Variants in CCNE2 observed in about 807,000 individuals in gnomAD.
The protein encoded by CCNE2 is G1/S-specific cyclin-E2.
In CCNE2, 18 loss-of-function variants were observed where a neutral mutation model predicts 56.8. The observed-to-expected ratio is 0.32, with a 90% CI of 0.22 to 0.47. The LOEUF (loss-of-function observed/expected upper bound fraction) is 0.47, where lower values mean the gene tolerates loss of function less well. Among genes scored for constraint, CCNE2 ranks in the 20% least tolerant of loss-of-function variants. The pLI is 1.00. For synonymous variants in CCNE2, 139 were observed against 149.2 expected, an observed-to-expected ratio of 0.93 and a Z score of 0.50; for missense variants, 371 against 467.1, an observed-to-expected ratio of 0.79 and a Z score of 1.90.
At chr8:94,889,001 T>C (rs1043820491) in intron 6 of CCNE2, among the ~76,000 whole-genome samples, 1 of 152,078 alleles carries the variant, frequency 6.6e-6, no homozygotes, top group African/African-American at 2.4e-5. Context: ...ATACAAAATA[T>C]AGCAGGTGTG....
intron 9 of CCNE2, 175 bp downstream of exon 9, chr8:94,884,892 A>G: frequency 3.9e-6 from 2 of 518,502 alleles, no homozygotes; most frequent in Non-Finnish European, 6.7e-6. Flanking sequence ...TTGTTTTTCT[A>G]GAAATATTAA....
intron 6 of CCNE2, among the ~76,000 whole-genome samples, chr8:94,888,352 TAAAC>T (rs1191582874): frequency 1.3e-5 from 2 of 152,232 alleles, no homozygotes; most frequent in South Asian, 2.1e-4. Context: ...ACATTGGTGA[TAAAC>T]AAAATCTTAT....
chr8:94,886,499 G>A (rs1817045934), intron 7 of CCNE2, among the ~76,000 whole-genome samples: 1 of 152,168 alleles, frequency 6.6e-6, no homozygotes, highest in African/African-American at 2.4e-5. Flanking sequence ...CTGAGCCCAG[G>A]AGTTTAAGAC....
At chr8:94,891,056 A>G (rs539775794) in intron 5 of CCNE2, among the ~76,000 whole-genome samples, 1 of 152,338 alleles carries the variant, frequency 6.6e-6, no homozygotes, top group East Asian at 1.9e-4. Context: ...TTTGGAAACA[A>G]TTTCCTTTGC....
At chr8:94,884,128 A>AT (rs1443426386) in intron 9 of CCNE2, among the ~76,000 whole-genome samples, 8 of 152,314 alleles carry the variant, frequency 5.3e-5, no homozygotes, top group Admixed American at 4.6e-4. Context: ...TGGTTATCCA[A>AT]TTTGAGTATT....
rs534876214 is a variant in CCNE2, at chr8:94,882,684, G to A, written c.943+97C>T. On this transcript the variant is annotated intron_variant, in intron 10 of 11. Transcript: ENST00000308108. ...AACAGCTAATTTTTTTTTTGCCAAA[G>A]TTTTAAATGCATGTTTAGCAGAATG... 6 of 840,554 alleles carry A rather than the reference G, an allele frequency of 7.1e-6. No homozygotes were observed. In the South Asian group the frequency reaches 9.8e-5, roughly 14 times the overall value. The allele number at this position is 840,554 out of a possible 1,614,324, so 52.1% of individuals were successfully genotyped here.
intron 6 of CCNE2, among the ~76,000 whole-genome samples, chr8:94,889,166 T>G (rs1817143705): frequency 6.6e-6 from 1 of 151,492 alleles, no homozygotes. Flanking sequence ...AAAAAAAGAA[T>G]GTCGAATTTC....
upstream of CCNE2, chr8:94,895,370 TG>T: frequency 5.9e-6 from 3 of 506,886 alleles, no homozygotes; most frequent in Non-Finnish European, 7.6e-6. Flanking sequence ...GGAGCGGCCG[TG>T]GGGTCCACTC....
rs1817258974 is a variant in CCNE2 at position 94,891,880 on chromosome 8, G to T, written c.317+938C>A. 5 of 1,435,052 alleles carry T rather than the reference G, an allele frequency of 3.5e-6. No individual in the cohort carries two copies. The African/African-American group carries it at 7.0e-5, about 20-fold the overall frequency. 88.9% of individuals were successfully genotyped at this position (1,435,052 alleles called of 1,614,324 possible). A position where few individuals can be genotyped will look rare whatever the true frequency, so the allele number is the denominator to read the frequency against. On this transcript the variant is annotated intron_variant, in intron 5 of 11. Transcript: ENST00000308108. ...TGCTGAACTTAAGAGTTTAGATGTA[G>T]ATTCTCTGGTCATTGAGCATCTCCA...
Position 94,880,759 on chromosome 8 carries a change from T to G in CCNE2, c.*873A>C. 1 of 397,272 alleles carries G rather than the reference T, an allele frequency of 2.5e-6. No individual in the cohort carries two copies. Among genetic ancestry groups the G allele is most frequent in the Non-Finnish European group, 4.4e-6 (1 of 225,360 alleles). 24.6% of individuals were successfully genotyped at this position (397,272 alleles called of 1,614,324 possible). A position where few individuals can be genotyped will look rare whatever the true frequency, so the allele number is the denominator to read the frequency against. ...AACATAAATAAAGCCTTAGTCACAC[T>G]AAATTAAAAAAAAAAATTCCTTAGG... On this transcript the variant is annotated 3_prime_UTR_variant, in exon 12 of 12. Transcript: ENST00000308108.
chr8:94,888,065 T>C lies in CCNE2; in HGVS notation c.462A>G (p.Glu154=). The C allele has an allele frequency of 1.3e-6, 2 of 1,549,546 alleles. No individual in the cohort carries two copies. The highest frequency in any genetic ancestry group is 1.7e-6 in the Non-Finnish European group (2 of 1,150,682). The change falls in exon 7 of 12, where the codon GAA becomes GAG. Residue 154 remains glutamate, a synonymous_variant. Transcript: ENST00000308108. ...ILLDWLLEVC[E]VYTLHRETFY... The stretch of plus-strand genomic sequence containing the variant: ...ATGTTTCCCTATGAAGTGTGTATAC[T>C]TCACATACCTAGAGAAGAATCCAAA...
At position 94,892,986 on chromosome 8, in the gene CCNE2, G is replaced by A. The variant is rs760342192; in HGVS notation, c.166-17C>T. On this transcript the variant is annotated splice_polypyrimidine_tract_variant and intron_variant, in intron 4 of 11. Transcript: ENST00000308108. ...CCAACAATTCTGTCATAAAAAAAAA[G>A]AAAAATATCAATTTGTGCAAGGAAA... The A allele has an allele frequency of 1.3e-6, 2 of 1,516,896 alleles. No individual in the cohort carries two copies. The highest frequency in any genetic ancestry group is 1.5e-5 in the African/African-American group (1 of 68,568). The allele number at this position is 1,516,896 out of a possible 1,614,324, so 94.0% of individuals were successfully genotyped here.
chr8:94,887,804 GAAAC>G, intron 7 of CCNE2, 119 bp downstream of exon 7: 3 of 584,890 alleles, frequency 5.1e-6, no homozygotes, highest in South Asian at 2.7e-5. Context: ...AATGTACTGA[GAAAC>G]AAAAACATTC....
At chr8:94,896,203 G>C (rs1817545162), upstream of CCNE2, among the ~76,000 whole-genome samples, 1 of 150,826 alleles carries the variant, frequency 6.6e-6, no homozygotes, top group Non-Finnish European at 1.5e-5. Context: ...GGTCCCCGGG[G>C]ACCTGGCCGG....
Position 94,881,753 on chromosome 8 carries a change from TG to T in CCNE2, c.1102-9del. On this transcript the variant is annotated splice_polypyrimidine_tract_variant and intron_variant, in intron 11 of 11. Coordinates refer to ENST00000308108, the MANE Select transcript of CCNE2 (RefSeq NM_057749.3). ...TATGTAATTTACTTCCTCCTATACA[TG>T]GGAAGAAATCATGCACTGATTTCAT... is the stretch of plus-strand genomic sequence containing the variant. 1 of 1,613,374 alleles carries T rather than the reference TG, an allele frequency of 6.2e-7. No homozygotes were observed. Among genetic ancestry groups the T allele is most frequent in the Non-Finnish European group, 8.5e-7 (1 of 1,179,732 alleles).
intron 7 of CCNE2, among the ~76,000 whole-genome samples, chr8:94,886,633 C>T (rs1369021066): frequency 6.6e-6 from 1 of 152,068 alleles, no homozygotes; most frequent in East Asian, 1.9e-4. Flanking sequence ...CCTCGGAGGT[C>T]GAGGCTGTAC....
chr8:94,882,857 T>C lies in CCNE2; in HGVS notation c.867A>G (p.Leu289=). Residue 289 remains leucine (L), a synonymous_variant, in exon 10 of 12, where the codon TTA becomes TTG. Transcript: ENST00000308108. The stretch of plus-strand genomic sequence containing the variant: ...CAGTCAGTATTCTGTACTGGAACTC[T>C]AATGAATCAATGGCTAGAATACACA... ...LDLCILAIDS[L]EFQYRILTAA... The C allele has an allele frequency of 6.2e-7, 1 of 1,613,474 alleles. No homozygotes were observed. The highest frequency in any genetic ancestry group is 8.5e-7 in the Non-Finnish European group (1 of 1,179,498).
At chr8:94,886,936 G>C (rs1817060774) in intron 7 of CCNE2, among the ~76,000 whole-genome samples, 1 of 152,144 alleles carries the variant, frequency 6.6e-6, no homozygotes, top group Non-Finnish European at 1.5e-5. Flanking sequence ...ATAATTTCAA[G>C]TAAGGATAGA....
intron 6 of CCNE2, among the ~76,000 whole-genome samples, chr8:94,889,645 C>T (rs1817158612): frequency 6.6e-6 from 1 of 152,192 alleles, no homozygotes; most frequent in South Asian, 2.1e-4. Flanking sequence ...TGTGTTCCTC[C>T]TCCAAAAAGT....
Sources: allele counts gnomAD v4.1 joint callset (sites outside exome capture counted in the v4.1 genomes callset), GRCh38; gene constraint gnomAD v4.1.1; transcripts MANE v1.5; gene names NCBI Gene and HGNC (gene_info 2026-07-23, HGNC 2026-07-21).